POTEC: variants seen among roughly 807,000 people sequenced by gnomAD.
POTEC encodes the protein POTE ankyrin domain family member C.
Under a neutral mutation model 62.0 loss-of-function variants are expected in POTEC, and 35 were observed. The ratio of observed to expected loss-of-function variants is 0.56; its 90% CI spans 0.43 to 0.75. The LOEUF (loss-of-function observed/expected upper bound fraction) is 0.75, where lower values mean the gene tolerates loss of function less well. POTEC is among the 30% of genes least tolerant of loss of function. The pLI is 0.00. For missense variants in POTEC, 472 were observed against 655.9 expected (o/e 0.72, Z 3.06); for synonymous variants, 156 against 221.5 (o/e 0.70, Z 2.62).
chr18:14,539,301 G>T (rs545236503), intron 1 of POTEC, among the ~76,000 whole-genome samples: 190 of 152,082 alleles, frequency 1.2e-3, no homozygotes, highest in African/African-American at 4.3e-3. Context: ...GGATACAGGT[G>T]CAGGATGTGC....
rs1308274649 is a variant in POTEC at position 14,510,488 on chromosome 18, T to C, written c.*1410A>G. 6.6e-6 allele frequency: 1 copy of C among 151,664 alleles called. No individual in the cohort carries two copies. Among genetic ancestry groups the C allele is most frequent in the African/African-American group, 2.4e-5 (1 of 41,274 alleles). The allele number at this position is 151,664 out of a possible 1,614,324, so 9.4% of individuals were successfully genotyped here. A position where few individuals can be genotyped will look rare whatever the true frequency, so the allele number is the denominator to read the frequency against. Reference sequence around the variant, plus strand: ...ATGGAAATGGGCACCCACATAACAGTCTGGCCACTTTTCTGTGGGGCTGCC... The same window carrying C: ...ATGGAAATGGGCACCCACATAACAGCCTGGCCACTTTTCTGTGGGGCTGCC... On this transcript the variant is annotated 3_prime_UTR_variant, in exon 11 of 11. Transcript: ENST00000358970.
rs1337601494 is a variant in POTEC, at chr18:14,515,371, A to G, written c.1410-1586T>C. On this transcript the variant is annotated intron_variant, in intron 9 of 10. Coordinates refer to ENST00000358970, the MANE Select transcript of POTEC (RefSeq NM_001137671.2). Reference sequence around the variant, plus strand: ...GTAGATACACAGATCAATGGAACAGAATAGACAACTCAGAAAAAAGGCCAC... The same window carrying G: ...GTAGATACACAGATCAATGGAACAGGATAGACAACTCAGAAAAAAGGCCAC... Among the ~76,000 whole-genome samples, 3 of 152,186 alleles carry G rather than the reference A, an allele frequency of 2.0e-5. No homozygotes were observed. The East Asian group carries it at 5.8e-4, about 29-fold the overall frequency.
In POTEC at chr18:14,534,031, G is replaced by A. The variant is rs1434612283; in HGVS notation, c.918-833C>T. 3.4e-5 allele frequency among the ~76,000 whole-genome samples: 5 copies of A among 148,114 alleles called. No individual in the cohort carries two copies. In the East Asian group the frequency reaches 6.1e-4, roughly 18 times the overall value. ...GCTGGTGCGCTGCACCCACTAACTC[G>A]TCATCTAGCATTAGGTATATCTCCC... On this transcript the variant is annotated intron_variant, in intron 4 of 10. Transcript: ENST00000358970.
intron 6 of POTEC, among the ~76,000 whole-genome samples, chr18:14,527,271 T>C (rs1910460553): frequency 6.6e-6 from 1 of 152,174 alleles, no homozygotes; most frequent in Non-Finnish European, 1.5e-5. Flanking sequence ...GTTATTTATA[T>C]GTTGCTTTGT....
intron 3 of POTEC, among the ~76,000 whole-genome samples, chr18:14,537,272 A>G (rs1361204641): frequency 4.7e-5 from 7 of 149,988 alleles, no homozygotes; most frequent in Non-Finnish European, 5.9e-5. Context: ...CCTAATTTCC[A>G]AGTTGGCCTT....
intron 3 of POTEC, 47 bp downstream of exon 3, chr18:14,537,754 C>A (rs1273503645): frequency 1.9e-6 from 3 of 1,602,712 alleles, no homozygotes; most frequent in Non-Finnish European, 2.6e-6. Context: ...TCAATGTTAA[C>A]ACGAATGCAT....
chr18:14,530,605 A>C (rs1276985599), intron 5 of POTEC, 52 bp from the exon 6 acceptor site: 1 of 1,310,416 alleles, frequency 7.6e-7, no homozygotes, highest in Non-Finnish European at 1.0e-6. Flanking sequence ...CTGATATAAA[A>C]AATACTTACC....
chr18:14,525,023 T>C (rs1381946979), intron 6 of POTEC, 40 bp from the exon 7 acceptor site: 1 of 1,588,590 alleles, frequency 6.3e-7, no homozygotes, highest in Non-Finnish European at 8.6e-7. Context: ...ATGAACCACT[T>C]AGAACAGTTA....
chr18:14,538,107 C>T (rs748065037), intron 2 of POTEC, 28 bp downstream of exon 2: 166 of 1,520,846 alleles, frequency 1.1e-4, no homozygotes, highest in Non-Finnish European at 1.4e-4. Flanking sequence ...AAACCCATCT[C>T]ACGCTGATAT....
chr18:14,531,468 C>A (rs1905515050), intron 5 of POTEC, among the ~76,000 whole-genome samples: 1 of 152,138 alleles, frequency 6.6e-6, no homozygotes, highest in Non-Finnish European at 1.5e-5. Flanking sequence ...TGCAAATTGA[C>A]ATTCTCTAAT....
chr18:14,535,146 C>T (rs1227745523), intron 3 of POTEC, 139 bp from the exon 4 acceptor site: 34 of 1,267,098 alleles, frequency 2.7e-5, no homozygotes, highest in Non-Finnish European at 3.4e-5. Context: ...CTGTACTTTC[C>T]CACATGCCAC....
At position 14,542,963 on chromosome 18, in the gene POTEC, C is replaced by A; in HGVS notation, c.184G>T (p.Gly62Cys). The change falls in exon 1 of 11, where the codon GGC becomes TGC. Residue 62 changes from glycine (G) to cysteine (C), a missense_variant. Gly to Cys is a radical substitution (Grantham distance 159, BLOSUM62 -3). Around this residue, in one of 5 missense-constraint regions of POTEC, gnomAD observed 257 missense variants for 250.7 expected, o/e 1.03. Transcript: ENST00000358970. ...SFMKMLRSKMGKCCHHCFPCC... is the reference protein window; with the variant it reads ...SFMKMLRSKMCKCCHHCFPCC... ...GGGAAGCAGTGGTGGCAACACTTGC[C>A]CATCTTGCTCCTGAGCATCTTCATA... 1 of 1,573,564 alleles carries A rather than the reference C, an allele frequency of 6.4e-7. No individual in the cohort carries two copies.
chr18:14,512,810 G>A (rs1005972904), intron 10 of POTEC, among the ~76,000 whole-genome samples: 5 of 152,290 alleles, frequency 3.3e-5, no homozygotes, highest in South Asian at 4.1e-4. Flanking sequence ...TATATGCAAC[G>A]TGCAGGATTT....
At chr18:14,521,703 A>G (rs1261499771) in intron 9 of POTEC, among the ~76,000 whole-genome samples, 1 of 152,192 alleles carries the variant, frequency 6.6e-6, no homozygotes, top group African/African-American at 2.4e-5. Context: ...CCTTTGCAGC[A>G]ACACACATGG....
chr18:14,516,298 TTATATATATATATATATATATATATA>T (rs200611192), intron 9 of POTEC, among the ~76,000 whole-genome samples: 4 of 25,126 alleles, frequency 1.6e-4, no homozygotes, highest in Non-Finnish European at 2.8e-4. Flanking sequence ...AAAGAAAATT[TTATATATATATATATATATATATATA>T]TATATATATA....
chr18:14,536,733 T>C (rs1202972445), intron 3 of POTEC, among the ~76,000 whole-genome samples: 1 of 152,134 alleles, frequency 6.6e-6, no homozygotes, highest in East Asian at 1.9e-4. Flanking sequence ...CCTTTATCAT[T>C]TGAGGATCTG....
rs570966838 is a variant in POTEC, at chr18:14,536,561, C to T, written c.810+1240G>A. Among the ~76,000 whole-genome samples, 79 of 151,926 alleles carry T rather than the reference C, an allele frequency of 5.2e-4. 1 individual carries two copies. The East Asian group carries it at 0.014, about 27-fold the overall frequency. ...AGGAAACATTTTTAAACATACATATCCAGGCTTTATTAGACTTACTCTATC... is the reference window on the plus strand; with the variant it reads ...AGGAAACATTTTTAAACATACATATTCAGGCTTTATTAGACTTACTCTATC... On this transcript the variant is annotated intron_variant, in intron 3 of 10. Transcript: ENST00000358970.
rs2143102646 is a variant in POTEC, at chr18:14,511,694, CTG to C, written c.*202_*203del. The C allele has an allele frequency of 3.3e-6, 2 of 615,264 alleles. No homozygotes were observed. The highest frequency in any genetic ancestry group is 5.8e-6 in the Non-Finnish European group (2 of 342,436). 38.1% of individuals were successfully genotyped at this position (615,264 alleles called of 1,614,324 possible). On this transcript the variant is annotated 3_prime_UTR_variant, in exon 11 of 11. Coordinates refer to ENST00000358970, the MANE Select transcript of POTEC (RefSeq NM_001137671.2). ...AATTTCCATTTCCAGTGTTTCCTAG[CTG>C]TGTCTTACATTCTCCAGTTCAGAAC...
chr18:14,530,255 G>C (rs1259121390), intron 6 of POTEC, among the ~76,000 whole-genome samples: 1 of 151,028 alleles, frequency 6.6e-6, no homozygotes, highest in Non-Finnish European at 1.5e-5. Flanking sequence ...AATAAGCTCA[G>C]AGTTTCCACG....
Sources: gnomAD v4.1 joint callset for allele counts (sites outside exome capture counted in the v4.1 genomes callset) on GRCh38, gnomAD v4.1.1 for gene constraint, gnomAD v4.1.1 regional missense constraint, MANE v1.5 for transcripts, NCBI Gene and HGNC (gene_info 2026-07-23, HGNC 2026-07-21) for gene names.